The following PTPN13 variants were observed in gnomAD, a reference collection of about 807,000 sequenced individuals.
The protein encoded by PTPN13 is protein tyrosine phosphatase non-receptor type 13.
In PTPN13, 191 loss-of-function variants were observed where a neutral mutation model predicts 284.0. That is an observed-to-expected ratio of 0.67 (90% CI 0.60 to 0.76). The LOEUF is 0.76. Ranked by LOEUF, PTPN13 falls within the 30% of genes least tolerant of loss-of-function variation. The pLI, the probability that PTPN13 is intolerant of heterozygous loss-of-function variation, is 0.00. For missense variants in PTPN13, 2,797 were observed against 2,939.9 expected (o/e 0.95, Z 1.12); for synonymous variants, 986 against 1,022.3 (o/e 0.96, Z 0.68).
intron 1 of PTPN13, among the ~76,000 whole-genome samples, chr4:86,615,713 A>T (rs1354063306): frequency 6.6e-6 from 1 of 152,132 alleles, no homozygotes; most frequent in East Asian, 1.9e-4. Context: ...TATTATTAGA[A>T]GGTACATATA....
chr4:86,753,799 A>G (rs896767839), intron 20 of PTPN13, among the ~76,000 whole-genome samples: 2 of 152,108 alleles, frequency 1.3e-5, no homozygotes, highest in African/African-American at 4.8e-5. Context: ...TACTATCCAT[A>G]CACTACTTTC....
intron 2 of PTPN13, among the ~76,000 whole-genome samples, chr4:86,660,585 G>A (rs1172660462): frequency 6.6e-6 from 1 of 152,000 alleles, no homozygotes; most frequent in East Asian, 1.9e-4. Flanking sequence ...AGTTGTCTTT[G>A]ACATGCTACA....
chr4:86,742,927 A>C (rs1333081147), intron 16 of PTPN13, among the ~76,000 whole-genome samples: 6 of 152,234 alleles, frequency 3.9e-5, no homozygotes, highest in Non-Finnish European at 5.9e-5. Context: ...AGCTGTGATT[A>C]GTTCATTTTT....
intron 16 of PTPN13, among the ~76,000 whole-genome samples, chr4:86,743,578 A>G (rs1736404019): frequency 6.6e-6 from 1 of 152,208 alleles, no homozygotes; most frequent in Non-Finnish European, 1.5e-5. Context: ...CCTCTCTAAT[A>G]CTTACTAATT....
At chr4:86,755,359 TAA>T (rs3035340) in intron 20 of PTPN13, among the ~76,000 whole-genome samples, 1 of 146,526 alleles carries the variant, frequency 6.8e-6, no homozygotes, top group African/African-American at 2.5e-5. Flanking sequence ...TTGCTCAACT[TAA>T]AAAAAAAAAC....
intron 1 of PTPN13, among the ~76,000 whole-genome samples, chr4:86,620,405 C>T (rs148460906): frequency 2.6e-5 from 4 of 152,238 alleles, no homozygotes; most frequent in African/African-American, 9.6e-5. Flanking sequence ...GCAGTTTGTC[C>T]ACTCTGGTCT....
At position 86,642,747 on chromosome 4, in the gene PTPN13, G is replaced by A. The variant is rs57984747; in HGVS notation, c.115+7376G>A. Among the ~76,000 whole-genome samples the A allele has an allele frequency of 3.5e-3, 526 of 152,034 alleles. 4 individuals carry two copies. Among genetic ancestry groups the A allele is most frequent in the East Asian group, 0.015 (79 of 5,172 alleles). On this transcript the variant is annotated intron_variant, in intron 2 of 47. Coordinates refer to ENST00000411767, the MANE Select transcript of PTPN13 (RefSeq NM_080683.3). ...TGGAATTACAGGCGTGAGCCACCGC[G>A]CCTGGCCCACTTCACCTTTTTAACT...
intron 1 of PTPN13, among the ~76,000 whole-genome samples, chr4:86,603,585 G>T (rs996610450): frequency 6.6e-6 from 1 of 152,080 alleles, no homozygotes; most frequent in African/African-American, 2.4e-5. Flanking sequence ...TTCCAAAGAT[G>T]ATATGGTATG....
At chr4:86,595,784 C>A (rs1231994777) in intron 1 of PTPN13, 11 of 984,498 alleles carry the variant, frequency 1.1e-5, no homozygotes, top group African/African-American at 8.7e-5. Context: ...ATGAAGGGCG[C>A]TGGTAACTAA....
chr4:86,710,139 T>A (rs945422444), intron 7 of PTPN13, among the ~76,000 whole-genome samples: 4 of 152,190 alleles, frequency 2.6e-5, no homozygotes, highest in African/African-American at 7.2e-5. Flanking sequence ...GAATACATAA[T>A]ATTATTACTG....
rs1467914338 is a variant in PTPN13, at chr4:86,732,666, G to A, written c.1758G>A (p.Leu586=). 6 of 1,613,484 alleles carry A rather than the reference G, an allele frequency of 3.7e-6. No individual in the cohort carries two copies. Among genetic ancestry groups the A allele is most frequent in the Non-Finnish European group, 5.1e-6 (6 of 1,179,682 alleles). ...IMLLNGQRLE[L]TCDTKTICKD... is the part of the protein sequence containing the mutation. ...TTCTGAACGGGCAAAGACTGGAACT[G>A]ACCTGTGATACCAAAACTATATGTA... Residue 586 remains leucine (L), a synonymous_variant, in exon 12 of 48, where the codon CTG becomes CTA. Transcript: ENST00000411767.
rs201333712 is a variant in PTPN13, at chr4:86,701,655, C to G, written c.1049C>G (p.Ala350Gly). The G allele has an allele frequency of 1.7e-5, 27 of 1,613,852 alleles. No individual in the cohort carries two copies. In the East Asian group the frequency reaches 5.3e-4, roughly 32 times the overall value. ...KEARYSDGSI[A>G]LDIFGPQKMD... ...GCAAGATACTCAGATGGAAGTATAG[C>G]CTTGGATATCTTTGGCCCTCAGAAA... is the stretch of plus-strand genomic sequence containing the variant. Residue 350 changes from alanine (A) to glycine (G), a missense_variant, in exon 7 of 48, where the codon GCC becomes GGC. Physicochemically the swap from Ala to Gly is moderately conservative, Grantham distance 60 (BLOSUM62 0). Coordinates refer to ENST00000411767, the MANE Select transcript of PTPN13 (RefSeq NM_080683.3).
chr4:86,724,348 C>T (rs931479506), intron 10 of PTPN13, among the ~76,000 whole-genome samples: 1 of 152,170 alleles, frequency 6.6e-6, no homozygotes, highest in African/African-American at 2.4e-5. Context: ...ACAGCACAAA[C>T]TGCACGTACA....
chr4:86,614,713 G>A (rs1270223688), intron 1 of PTPN13, among the ~76,000 whole-genome samples: 2 of 152,054 alleles, frequency 1.3e-5, no homozygotes, highest in Non-Finnish European at 2.9e-5. Context: ...TTGCTTACTC[G>A]AAAATCTCAG....
chr4:86,810,103 A>C (rs1745063812), intron 46 of PTPN13, 119 bp downstream of exon 46: 1 of 712,306 alleles, frequency 1.4e-6, no homozygotes, highest in Non-Finnish European at 2.2e-6. Flanking sequence ...GACTGCCTTC[A>C]TTTTCTTCTT....
intron 2 of PTPN13, among the ~76,000 whole-genome samples, chr4:86,671,132 C>T (rs1260613629): frequency 6.6e-6 from 1 of 152,136 alleles, no homozygotes; most frequent in African/African-American, 2.4e-5. Flanking sequence ...GGTTTTTGAC[C>T]TTCAAAGGAG....
At chr4:86,661,960 C>CT (rs1231587520) in intron 2 of PTPN13, among the ~76,000 whole-genome samples, 1 of 152,096 alleles carries the variant, frequency 6.6e-6, no homozygotes, top group African/African-American at 2.4e-5. Context: ...AAAAAGATCT[C>CT]TTTTAACTTG....
Position 86,814,728 on chromosome 4 carries a change from A to G in PTPN13, c.*177A>G, listed in dbSNP as rs1745612637. 1.8e-6 allele frequency: 1 copy of G among 547,262 alleles called. No individual in the cohort carries two copies. Among genetic ancestry groups the G allele is most frequent in the South Asian group, 2.9e-5 (1 of 35,044 alleles). 33.9% of individuals were successfully genotyped at this position (547,262 alleles called of 1,614,324 possible). On this transcript the variant is annotated 3_prime_UTR_variant, in exon 48 of 48. Coordinates refer to ENST00000411767, the MANE Select transcript of PTPN13 (RefSeq NM_080683.3). ...AAATATTGAAATGCTGTATTTTTAC[A>G]GCTACTTTAACCTATGATAATTATT...
intron 7 of PTPN13, among the ~76,000 whole-genome samples, chr4:86,716,077 A>G (rs188881650): frequency 2.8e-4 from 43 of 152,246 alleles, no homozygotes; most frequent in Middle Eastern, 6.8e-3. Context: ...GTGTCTTTAG[A>G]TTGTCTATTC....
Sources: allele counts gnomAD v4.1 joint callset (sites outside exome capture counted in the v4.1 genomes callset), GRCh38; gene constraint gnomAD v4.1.1; transcripts MANE v1.5; gene names NCBI Gene and HGNC (gene_info 2026-07-23, HGNC 2026-07-21).